CIMIP1: variants seen among roughly 807,000 people sequenced by gnomAD.
The protein encoded by CIMIP1 is low in lung cancer 1.
chr20:58,153,413 G>A, the CIMIP1 span: 1 of 688,988 alleles, frequency 1.5e-6, no homozygotes, highest in South Asian at 1.8e-5. Context: ...TTCTCACGCT[G>A]TCTGGCTCCT....
At chr20:58,157,552 T>C in the CIMIP1 span, among the ~76,000 whole-genome samples, 2 of 152,236 alleles carry the variant, frequency 1.3e-5, no homozygotes, top group African/African-American at 4.8e-5. Context: ...CCTGGACATC[T>C]TTCCATGCAG....
the CIMIP1 span, chr20:58,153,409 C>A: frequency 3.0e-6 from 2 of 664,892 alleles, no homozygotes; most frequent in Non-Finnish European, 5.4e-6. Flanking sequence ...GAGGTTCTCA[C>A]GCTGTCTGGC....
At chr20:58,158,019 G>A in the CIMIP1 span, among the ~76,000 whole-genome samples, 5 of 152,158 alleles carry the variant, frequency 3.3e-5, no homozygotes, top group Non-Finnish European at 7.3e-5. Context: ...ATCCCTTGCC[G>A]GCCCATGAGA....
the CIMIP1 span, chr20:58,161,061 AT>A: frequency 2.8e-6 from 1 of 356,660 alleles, no homozygotes. Context: ...GGCTTCTCTC[AT>A]TTGTTTTTGA....
At chr20:58,154,610 C>T in the CIMIP1 span, among the ~76,000 whole-genome samples, 2 of 152,132 alleles carry the variant, frequency 1.3e-5, no homozygotes, top group Admixed American at 1.3e-4. Context: ...TAGAGGGTTC[C>T]ACAGTTTGAA....
the CIMIP1 span, chr20:58,160,758 C>A: frequency 1.9e-6 from 3 of 1,613,896 alleles, no homozygotes; most frequent in Non-Finnish European, 2.5e-6. Context: ...CTCGACGATG[C>A]GATCAGAAGC....
chr20:58,153,277 C>CCTGG, the CIMIP1 span, among the ~76,000 whole-genome samples: 1 of 152,184 alleles, frequency 6.6e-6, no homozygotes, highest in African/African-American at 2.4e-5. Flanking sequence ...GAAGGCTCCT[C>CCTGG]AGGCAGAATC....
chr20:58,155,447 T>A, the CIMIP1 span: 9 of 1,586,610 alleles, frequency 5.7e-6, no homozygotes, highest in Non-Finnish European at 7.8e-6. Context: ...AGACTTCCCA[T>A]CTCTGGGGAT....
chr20:58,152,551 C>T, the CIMIP1 span, among the ~76,000 whole-genome samples: 1 of 151,804 alleles, frequency 6.6e-6, no homozygotes, highest in Non-Finnish European at 1.5e-5. Flanking sequence ...GGTGAAACCC[C>T]ATCTCTACTA....
the CIMIP1 span, among the ~76,000 whole-genome samples, chr20:58,155,273 G>A: frequency 1.6e-4 from 25 of 152,318 alleles, no homozygotes; most frequent in East Asian, 3.7e-3. Flanking sequence ...CTTTCCTAAC[G>A]GTGTAACTAA....
At chr20:58,157,976 A>G in the CIMIP1 span, among the ~76,000 whole-genome samples, 1 of 152,192 alleles carries the variant, frequency 6.6e-6, no homozygotes, top group South Asian at 2.1e-4. Flanking sequence ...CTTAGTGTCT[A>G]TAATGTCCCT....
chr20:58,158,347 C>T, the CIMIP1 span, among the ~76,000 whole-genome samples: 1 of 152,224 alleles, frequency 6.6e-6, no homozygotes. Context: ...AACTTCCTTT[C>T]TTGCCCAAGA....
chr20:58,153,430 G>C, the CIMIP1 span: 7 of 766,914 alleles, frequency 9.1e-6, no homozygotes, highest in Non-Finnish European at 1.4e-5. Context: ...TCCTCACTCC[G>C]TCCCTGGTGC....
the CIMIP1 span, among the ~76,000 whole-genome samples, chr20:58,153,788 G>T: frequency 6.6e-6 from 1 of 152,204 alleles, no homozygotes; most frequent in Admixed American, 6.5e-5. Context: ...AGATTCCTGG[G>T]CACTGACCAC....
At chr20:58,153,459 A>G in the CIMIP1 span, 1 of 1,012,540 alleles carries the variant, frequency 9.9e-7, no homozygotes, top group Middle Eastern at 2.1e-4. Flanking sequence ...TGCCCAGTCA[A>G]TGTTCGTGGA....
the CIMIP1 span, among the ~76,000 whole-genome samples, chr20:58,159,837 T>C: frequency 6.6e-6 from 1 of 152,196 alleles, no homozygotes; most frequent in Non-Finnish European, 1.5e-5. Flanking sequence ...AGACTAATTT[T>C]AGGAGTTCAT....
At chr20:58,155,276 G>T in the CIMIP1 span, among the ~76,000 whole-genome samples, 223 of 152,358 alleles carry the variant, frequency 1.5e-3, 5 homozygotes, top group East Asian at 0.039. Flanking sequence ...TCCTAACGGT[G>T]TAACTAAGAC....
the CIMIP1 span, among the ~76,000 whole-genome samples, chr20:58,157,873 T>C: frequency 6.6e-6 from 1 of 152,206 alleles, no homozygotes; most frequent in Non-Finnish European, 1.5e-5. Flanking sequence ...GACTGGGATG[T>C]AGGTGGGACA....
At chr20:58,157,367 G>C in the CIMIP1 span, among the ~76,000 whole-genome samples, 1 of 152,232 alleles carries the variant, frequency 6.6e-6, no homozygotes. Flanking sequence ...CACAGCAAGT[G>C]TGTCTGATTC....
Sources: allele counts gnomAD v4.1 joint callset (sites outside exome capture counted in the v4.1 genomes callset), GRCh38; gene constraint gnomAD v4.1.1; transcripts MANE v1.5; gene names NCBI Gene and HGNC (gene_info 2026-07-23, HGNC 2026-07-21).